Variants in SAXO1 observed in about 807,000 individuals in gnomAD.
SAXO1 encodes stabilizer of axonemal microtubules 1, also known as 4930500O09Rik.
A neutral mutation model predicts 17.5 loss-of-function variants in SAXO1; 21 were observed. That is an observed-to-expected ratio of 1.20 (90% CI 0.85 to 1.72). The LOEUF is 1.72. Among genes scored for constraint, SAXO1 ranks in the 40% most tolerant of loss-of-function variants. The pLI, the probability that SAXO1 is intolerant of heterozygous loss-of-function variation, is 0.00. For missense variants in SAXO1, 843 were observed against 596.0 expected, an observed-to-expected ratio of 1.41 and a Z score of -4.32; for synonymous variants, 274 against 216.5, an observed-to-expected ratio of 1.27 and a Z score of -2.33.
chr9:18,941,336 T>C (rs137982039), intron 3 of SAXO1, among the ~76,000 whole-genome samples: 2 of 152,314 alleles, frequency 1.3e-5, no homozygotes, highest in East Asian at 1.9e-4. Context: ...CCATCGATAC[T>C]GCGTAAATGA....
rs142639495 is a variant in SAXO1, at chr9:18,963,203, C to G, written c.39-12266G>C. Among the ~76,000 whole-genome samples the G allele has an allele frequency of 2.5e-3, 379 of 152,194 alleles. 1 individual carries two copies. Among genetic ancestry groups the G allele is most frequent in the African/African-American group, 8.7e-3 (362 of 41,536 alleles). ...ACCATGCTGTTTTGGTTATCGTAGC[C>G]TTGTAGTATAGTTTGAAGTCAGGCA... On this transcript the variant is annotated intron_variant, in intron 1 of 3. Coordinates refer to ENST00000380534, the MANE Select transcript of SAXO1 (RefSeq NM_153707.4).
rs145781953 is a variant in SAXO1 at position 18,990,634 on chromosome 9, C to A, written c.39-39697G>T. Among the ~76,000 whole-genome samples the A allele has an allele frequency of 3.8e-3, 581 of 152,300 alleles. 2 individuals carry two copies. Among genetic ancestry groups the A allele is most frequent in the African/African-American group, 0.013 (557 of 41,546 alleles). On this transcript the variant is annotated intron_variant, in intron 1 of 3. Coordinates refer to ENST00000380534, the MANE Select transcript of SAXO1 (RefSeq NM_153707.4). ...GATCCGTAGCCTGTTAGGAACCAGG[C>A]TGCACAGCAGAAGGTGAGTGGCAGG...
intron 1 of SAXO1, among the ~76,000 whole-genome samples, chr9:19,009,277 G>A (rs977492182): frequency 2.0e-5 from 3 of 152,008 alleles, no homozygotes; most frequent in African/African-American, 7.2e-5. Context: ...GCAGAGCTAA[G>A]AAAGGTAAAA....
At chr9:18,937,431 ATGT>A (rs1407579286) in intron 3 of SAXO1, among the ~76,000 whole-genome samples, 1 of 152,200 alleles carries the variant, frequency 6.6e-6, no homozygotes, top group Non-Finnish European at 1.5e-5. Context: ...GGGAATACAG[ATGT>A]TGGGCATTCA....
intron 1 of SAXO1, among the ~76,000 whole-genome samples, chr9:18,955,363 C>G (rs920423793): frequency 2.0e-5 from 3 of 152,158 alleles, no homozygotes; most frequent in Non-Finnish European, 2.9e-5. Flanking sequence ...ACTTCAAAAT[C>G]CAGTGTGTCT....
intron 1 of SAXO1, among the ~76,000 whole-genome samples, chr9:19,023,918 T>A (rs1465267452): frequency 6.6e-6 from 1 of 150,726 alleles, no homozygotes; most frequent in Non-Finnish European, 1.5e-5. Flanking sequence ...GTGGGAAGAT[T>A]GCTTGAGCCC....
chr9:18,927,938 T>G lies in SAXO1; in HGVS notation c.*114A>C. ...TCAAGTGCTCTGGAAGTGGTGAAGG[T>G]TTTTTGTTTTTTGTTTTTTGTCATT... On this transcript the variant is annotated 3_prime_UTR_variant, in exon 4 of 4. Coordinates refer to ENST00000380534, the MANE Select transcript of SAXO1 (RefSeq NM_153707.4). 1 of 1,192,044 alleles carries G rather than the reference T, an allele frequency of 8.4e-7. No individual in the cohort carries two copies. Among genetic ancestry groups the G allele is most frequent in the East Asian group, 2.4e-5 (1 of 41,556 alleles). The allele number at this position is 1,192,044 out of a possible 1,614,324, so 73.8% of individuals were successfully genotyped here. A position where few individuals can be genotyped will look rare whatever the true frequency, so the allele number is the denominator to read the frequency against.
At chr9:19,047,228 G>A (rs938698877) in intron 1 of SAXO1, among the ~76,000 whole-genome samples, 2 of 152,068 alleles carry the variant, frequency 1.3e-5, no homozygotes, top group African/African-American at 4.8e-5. Context: ...GCCAGGCATG[G>A]TGGTGGAGGC....
intron 1 of SAXO1, among the ~76,000 whole-genome samples, chr9:18,964,031 T>C (rs1355231082): frequency 6.6e-6 from 1 of 152,226 alleles, no homozygotes; most frequent in Non-Finnish European, 1.5e-5. Flanking sequence ...GAGATAATCA[T>C]GTGGTTTTTG....
At chr9:19,031,481 G>T (rs1017318817) in intron 1 of SAXO1, among the ~76,000 whole-genome samples, 1 of 152,216 alleles carries the variant, frequency 6.6e-6, no homozygotes, top group Non-Finnish European at 1.5e-5. Flanking sequence ...AGAATCACTT[G>T]AACCCTGAGG....
chr9:19,031,488 G>C (rs1282772468), intron 1 of SAXO1, among the ~76,000 whole-genome samples: 1 of 152,250 alleles, frequency 6.6e-6, no homozygotes, highest in African/African-American at 2.4e-5. Context: ...CTTGAACCCT[G>C]AGGCATAGGT....
At chr9:19,038,052 A>G (rs1835985022), upstream of SAXO1, among the ~76,000 whole-genome samples, 1 of 152,200 alleles carries the variant, frequency 6.6e-6, no homozygotes, top group South Asian at 2.1e-4. Flanking sequence ...CAAAACCACA[A>G]TGAGATACCA....
chr9:18,941,986 AT>A (rs1831584480), intron 2 of SAXO1, 147 bp from the exon 3 acceptor site: 15 of 704,308 alleles, frequency 2.1e-5, no homozygotes, highest in Non-Finnish European at 3.6e-5. Context: ...TTTCTCCTCT[AT>A]TTCCCACTTT....
At chr9:18,988,009 G>T (rs1833665231) in intron 1 of SAXO1, among the ~76,000 whole-genome samples, 1 of 152,148 alleles carries the variant, frequency 6.6e-6, no homozygotes, top group South Asian at 2.1e-4. Context: ...CACTGTAATG[G>T]TTCCCTTCAA....
intron 1 of SAXO1, among the ~76,000 whole-genome samples, chr9:19,023,796 G>GAAA (rs59389750): frequency 0.85 from 128,456 of 151,556 alleles, 54,802 homozygotes; most frequent in African/African-American, 0.93. Context: ...AGGAAGGGAG[G>GAAA]GAGGAAAGCA....
intron 1 of SAXO1, among the ~76,000 whole-genome samples, chr9:18,997,563 C>G (rs113022718): frequency 2.6e-5 from 4 of 152,366 alleles, no homozygotes; most frequent in Admixed American, 1.3e-4. Flanking sequence ...AAGTAGAGAG[C>G]TTCTACAGGC....
intron 1 of SAXO1, among the ~76,000 whole-genome samples, chr9:18,981,086 G>A (rs1320480777): frequency 6.6e-6 from 1 of 152,176 alleles, no homozygotes; most frequent in African/African-American, 2.4e-5. Flanking sequence ...CAACTTCAAA[G>A]TCTTTCCAAG....
intron 1 of SAXO1, among the ~76,000 whole-genome samples, chr9:18,992,493 CTT>C (rs1833851785): frequency 6.6e-6 from 1 of 152,230 alleles, no homozygotes; most frequent in Admixed American, 6.5e-5. Context: ...TGTAAAGACT[CTT>C]TACCAAATAA....
chr9:19,007,042 C>T (rs765630068), intron 1 of SAXO1, among the ~76,000 whole-genome samples: 1 of 146,012 alleles, frequency 6.8e-6, no homozygotes, highest in Non-Finnish European at 1.5e-5. Flanking sequence ...GAGACTCCAT[C>T]TCAAAAATAA....
Sources: gnomAD v4.1 joint callset for allele counts (sites outside exome capture counted in the v4.1 genomes callset) on GRCh38, gnomAD v4.1.1 for gene constraint, MANE v1.5 for transcripts, NCBI Gene and HGNC (gene_info 2026-07-23, HGNC 2026-07-21) for gene names.